The following NF1 variants were observed in gnomAD, a reference collection of about 807,000 sequenced individuals.
NF1 encodes the protein neurofibromin.
A neutral mutation model predicts 325.7 loss-of-function variants in NF1; 122 were observed. The ratio of observed to expected loss-of-function variants is 0.37; its 90% CI spans 0.32 to 0.44. The LOEUF is 0.44. Among genes scored for constraint, NF1 ranks in the 20% least tolerant of loss-of-function variants. NF1 has a pLI of 1.00. For missense variants in NF1, 2,140 were observed against 3,415.4 expected, an observed-to-expected ratio of 0.63 and a Z score of 9.31; for synonymous variants, 1,091 against 1,186.0, an observed-to-expected ratio of 0.92 and a Z score of 1.65.
At position 31,356,479 on chromosome 17, in the gene NF1, T is replaced by A. The variant is rs876659530; in HGVS notation, c.7635T>A (p.Asp2545Glu). The change falls in exon 52 of 58, where the codon GAT becomes GAA. Residue 2545 changes from aspartate to glutamate, a missense_variant. By Grantham distance (45) the Asp-to-Glu change is conservative. Around this residue, in one of 10 missense-constraint regions of NF1, gnomAD observed 522 missense variants for 749.0 expected, o/e 0.70. Transcript: ENST00000358273. ...KKLLGTRKSF[D>E]HLISDTKAPK... ...TTATAGGAACAAGGAAAAGTTTTGA[T>A]CACTTGATATCAGACACAAAGGCTC... 6.2e-7 allele frequency: 1 copy of A among 1,613,652 alleles called. No individual in the cohort carries two copies. Among genetic ancestry groups the A allele is most frequent in the Non-Finnish European group, 8.5e-7 (1 of 1,179,700 alleles).
At chr17:31,256,245 C>T (rs1427548322) in intron 31 of NF1, among the ~76,000 whole-genome samples, 1 of 152,170 alleles carries the variant, frequency 6.6e-6, no homozygotes, top group African/African-American at 2.4e-5. Flanking sequence ...TTAAGCGATT[C>T]TCCTGCCTTA....
In NF1 at chr17:31,122,841, AC is replaced by A. The variant is rs200643549; in HGVS notation, c.60+27473del. 7.5e-3 allele frequency among the ~76,000 whole-genome samples: 1,148 copies of A among 152,314 alleles called. 12 individuals carry two copies. Among genetic ancestry groups the A allele is most frequent in the South Asian group, 0.037 (180 of 4,832 alleles). ...TCATCTCAGTGTGAAAGTCAAGAGG[AC>A]TTCTAGGCTTAAGCCTGGTAGCTAA... On this transcript the variant is annotated intron_variant, in intron 1 of 57. Coordinates refer to ENST00000358273, the MANE Select transcript of NF1 (RefSeq NM_001042492.3).
At chr17:31,211,468 A>T (rs1051282170) in intron 12 of NF1, among the ~76,000 whole-genome samples, 1 of 152,230 alleles carries the variant, frequency 6.6e-6, no homozygotes, top group Non-Finnish European at 1.5e-5. Flanking sequence ...AAACTAATAT[A>T]GTCATACATC....
intron 1 of NF1, among the ~76,000 whole-genome samples, chr17:31,149,905 T>A (rs1159384653): frequency 6.6e-6 from 1 of 152,150 alleles, no homozygotes; most frequent in African/African-American, 2.4e-5. Flanking sequence ...GGGCTAGTAT[T>A]GGTCAGCAAA....
At chr17:31,296,479 C>T in intron 36 of NF1, 1 of 766,592 alleles carries the variant, frequency 1.3e-6, no homozygotes. Context: ...ATTAAACTAA[C>T]AAAGCTCCCC....
intron 51 of NF1, among the ~76,000 whole-genome samples, chr17:31,354,087 T>C (rs1233821775): frequency 6.6e-6 from 1 of 152,178 alleles, no homozygotes; most frequent in Non-Finnish European, 1.5e-5. Context: ...AAAAATATAT[T>C]GAATTCATTC....
intron 1 of NF1, among the ~76,000 whole-genome samples, chr17:31,119,555 G>T (rs1914256811): frequency 6.6e-6 from 1 of 151,596 alleles, no homozygotes; most frequent in Non-Finnish European, 1.5e-5. Context: ...CTCCCATTCT[G>T]TAGGTTGCCT....
In NF1 at chr17:31,374,739, G is replaced by T. The variant is rs190144445; in HGVS notation, c.*584G>T. 106 of 234,016 alleles carry T rather than the reference G, an allele frequency of 4.5e-4. 1 individual carries two copies. Among genetic ancestry groups the T allele is most frequent in the South Asian group, 1.8e-4 (1 of 5,668 alleles). 14.5% of individuals were successfully genotyped at this position (234,016 alleles called of 1,614,324 possible). ...CATAAAGCCACAGACAAGGTACTTG[G>T]GGGGGAGGGCAGGGAAATTTCATAT... On this transcript the variant is annotated 3_prime_UTR_variant, in exon 58 of 58. Transcript: ENST00000358273.
chr17:31,190,127 G>C (rs1174881695), intron 8 of NF1, among the ~76,000 whole-genome samples: 2 of 151,000 alleles, frequency 1.3e-5, no homozygotes, highest in African/African-American at 2.4e-5. Flanking sequence ...ATGGTGGCAG[G>C]CTCCTGTGAT....
At chr17:31,346,995 A>G (rs2070009760) in intron 48 of NF1, among the ~76,000 whole-genome samples, 1 of 151,356 alleles carries the variant, frequency 6.6e-6, no homozygotes, top group Non-Finnish European at 1.5e-5. Context: ...GTCTGACTCT[A>G]TGGATTGACA....
intron 1 of NF1, among the ~76,000 whole-genome samples, chr17:31,103,102 A>G (rs565511080): frequency 2.6e-4 from 39 of 152,194 alleles, no homozygotes; most frequent in Admixed American, 9.8e-4. Flanking sequence ...CAGCCTCCCA[A>G]AGTGCTGGGA....
chr17:31,198,982 T>G (rs2066481248), intron 8 of NF1, among the ~76,000 whole-genome samples: 1 of 152,112 alleles, frequency 6.6e-6, no homozygotes, highest in African/African-American at 2.4e-5. Flanking sequence ...TCTCTTTTAT[T>G]TATTTATTTT....
chr17:31,358,927 G>T (rs770714628), intron 55 of NF1, 42 bp from the exon 56 acceptor site: 1 of 1,554,204 alleles, frequency 6.4e-7, no homozygotes, highest in Non-Finnish European at 8.9e-7. Context: ...ACAATTAAAA[G>T]ATACCTTGCT....
chr17:31,100,643 C>T (rs1912239281), intron 1 of NF1, among the ~76,000 whole-genome samples: 1 of 152,096 alleles, frequency 6.6e-6, no homozygotes, highest in South Asian at 2.1e-4. Flanking sequence ...GATCTCAGCT[C>T]ACTGCAACGT....
chr17:31,118,058 G>C (rs1002160434), intron 1 of NF1, among the ~76,000 whole-genome samples: 2 of 151,782 alleles, frequency 1.3e-5, no homozygotes, highest in Admixed American at 6.6e-5. Flanking sequence ...GTAATACATG[G>C]TTGTTTTTTA....
intron 5 of NF1, 101 bp downstream of exon 5, chr17:31,170,098 A>G: frequency 4.0e-6 from 3 of 744,834 alleles, no homozygotes; most frequent in Non-Finnish European, 6.9e-6. Flanking sequence ...AGAACACCAA[A>G]CTGGATTTTA....
At chr17:31,160,459 G>A (rs565008762) in intron 3 of NF1, among the ~76,000 whole-genome samples, 3 of 152,140 alleles carry the variant, frequency 2.0e-5, no homozygotes, top group Admixed American at 2.0e-4. Context: ...GTGTTTATAA[G>A]TTTTCTACTT....
chr17:31,227,481 C>G (rs1468499965), intron 19 of NF1, 42 bp from the exon 20 acceptor site: 1 of 1,599,474 alleles, frequency 6.3e-7, no homozygotes, highest in Non-Finnish European at 8.6e-7. Context: ...ATGTTTAGCT[C>G]TAGACTAAGT....
At position 31,248,962 on chromosome 17, in the gene NF1, T is replaced by C. The variant is rs764386395; in HGVS notation, c.3975-22T>C. The stretch of plus-strand genomic sequence containing the variant: ...TTTGTTTTAAACAAAAGTGTTAGGA[T>C]TTTATTTTTATTTTTTTGTAGGTTA... On this transcript the variant is annotated intron_variant, in intron 29 of 57. Coordinates refer to ENST00000358273, the MANE Select transcript of NF1 (RefSeq NM_001042492.3). The C allele has an allele frequency of 6.2e-6, 10 of 1,612,826 alleles. No individual in the cohort carries two copies. The African/African-American group carries it at 1.2e-4, about 19-fold the overall frequency.
Sources: gnomAD v4.1 joint callset for allele counts (sites outside exome capture counted in the v4.1 genomes callset) on GRCh38, gnomAD v4.1.1 for gene constraint, gnomAD v4.1.1 regional missense constraint, MANE v1.5 for transcripts, NCBI Gene and HGNC (gene_info 2026-07-23, HGNC 2026-07-21) for gene names.